BOD1L1: variants seen among roughly 807,000 people sequenced by gnomAD.
BOD1L1 encodes the protein biorientation of chromosomes in cell division protein 1-like 1.
In BOD1L1, 86 loss-of-function variants were observed where a neutral mutation model predicts 240.7. The observed-to-expected ratio is 0.36, with a 90% CI of 0.30 to 0.43. BOD1L1 has a LOEUF of 0.43. Among genes scored for constraint, BOD1L1 ranks in the 20% least tolerant of loss-of-function variants. The pLI is 1.00. For synonymous variants in BOD1L1, 1,268 were observed against 1,272.3 expected, an observed-to-expected ratio of 1.00 and a Z score of 0.07; for missense variants, 3,554 against 3,643.5, an observed-to-expected ratio of 0.98 and a Z score of 0.63.
intron 22 of BOD1L1, chr4:13,577,990 G>C (rs1366232790): frequency 5.9e-6 from 1 of 170,340 alleles, no homozygotes. Context: ...TGCAACCTCC[G>C]CCTCCTGGGT....
intron 25 of BOD1L1, among the ~76,000 whole-genome samples, chr4:13,576,009 T>A (rs1712697371): frequency 6.7e-6 from 1 of 148,978 alleles, no homozygotes. Context: ...GTTAAGCAAT[T>A]CCCCTGCCTC....
chr4:13,599,882 T>C lies in BOD1L1; in HGVS notation c.7018A>G (p.Ile2340Val), dbSNP rs200376796. The C allele has an allele frequency of 5.1e-5, 83 of 1,613,948 alleles. No homozygotes were observed. Among genetic ancestry groups the C allele is most frequent in the Admixed American group, 3.7e-4 (22 of 60,020 alleles). Residue 2340 changes from isoleucine to valine, a missense_variant, in exon 10 of 26, where the codon ATT becomes GTT. By Grantham distance (29) the Ile-to-Val change is conservative. Around this residue, in one of 2 missense-constraint regions of BOD1L1, gnomAD observed 3,393 missense variants for 3,427.1 expected, o/e 0.99. Transcript: ENST00000040738. Reference sequence around the variant, plus strand: ...TCATGTCTGTCAATGCTGGCGGAAATTGGCATACATTCTGCTGTGCTGGTG... The same window carrying C: ...TCATGTCTGTCAATGCTGGCGGAAACTGGCATACATTCTGCTGTGCTGGTG... Reference protein sequence around the residue: ...ISTSTAECMPISASIDRHEEN... With the variant: ...ISTSTAECMPVSASIDRHEEN...
At chr4:13,610,565 C>T (rs1007178711) in intron 6 of BOD1L1, among the ~76,000 whole-genome samples, 1 of 152,136 alleles carries the variant, frequency 6.6e-6, no homozygotes, top group Admixed American at 6.5e-5. Context: ...AACATTGTAT[C>T]GAATACTCTT....
intron 17 of BOD1L1, among the ~76,000 whole-genome samples, chr4:13,584,629 T>C (rs999950202): frequency 6.6e-6 from 1 of 152,116 alleles, no homozygotes; most frequent in Non-Finnish European, 1.5e-5. Flanking sequence ...TGCATTTCTG[T>C]TTTTGAACTG....
chr4:13,594,885 A>G (rs1478618579), intron 12 of BOD1L1, among the ~76,000 whole-genome samples: 1 of 152,148 alleles, frequency 6.6e-6, no homozygotes, highest in East Asian at 1.9e-4. Flanking sequence ...ACAGAGTGAG[A>G]CTCCATCTCA....
chr4:13,600,358 C>T lies in BOD1L1; in HGVS notation c.6542G>A (p.Gly2181Asp), dbSNP rs1373497473. Residue 2181 changes from glycine (G) to aspartate (D), a missense_variant, in exon 10 of 26, where the codon GGT becomes GAT. Around this residue, in one of 2 missense-constraint regions of BOD1L1, gnomAD observed 3,393 missense variants for 3,427.1 expected, o/e 0.99. Transcript: ENST00000040738. Reference protein sequence around the residue: ...VAAAVEERATGPVLISTADFE... With the variant: ...VAAAVEERATDPVLISTADFE... ...GTCGGCGGTGCTTATCAAGACTGGA[C>T]CTGTAGCCCTTTCTTCCACTGCTGC... 2 of 1,614,004 alleles carry T rather than the reference C, an allele frequency of 1.2e-6. No homozygotes were observed. Among genetic ancestry groups the T allele is most frequent in the Admixed American group, 1.7e-5 (1 of 60,026 alleles).
In BOD1L1 at chr4:13,570,129, C is replaced by T; in HGVS notation, c.9039-1G>A. On this transcript the variant is annotated splice_acceptor_variant, in intron 25 of 25. Transcript: ENST00000040738. LOFTEE classifies it high-confidence loss of function. ...AGAAGGGGAGAGCTGTGTCTTTGAT[C>T]TGCATTAAGCAAAGTCAAGGCAATG... The T allele has an allele frequency of 6.4e-7, 1 of 1,568,556 alleles. No individual in the cohort carries two copies. The highest frequency in any genetic ancestry group is 2.4e-5 in the East Asian group (1 of 42,144).
intron 25 of BOD1L1, among the ~76,000 whole-genome samples, chr4:13,573,752 G>C (rs1407879008): frequency 6.6e-6 from 1 of 152,148 alleles, no homozygotes; most frequent in Non-Finnish European, 1.5e-5. Context: ...TTGAACACCC[G>C]GCCTTAAGTG....
At chr4:13,616,266 A>C (rs900988291) in intron 2 of BOD1L1, among the ~76,000 whole-genome samples, 11 of 152,230 alleles carry the variant, frequency 7.2e-5, no homozygotes, top group Non-Finnish European at 1.5e-4. Context: ...GAGAGGAGTA[A>C]GAAATTATTT....
chr4:13,592,198 TATA>T, intron 12 of BOD1L1: 1 of 475,502 alleles, frequency 2.1e-6, no homozygotes, highest in East Asian at 3.5e-5. Context: ...CTGCATTTTT[TATA>T]ATAACGGCAG....
chr4:13,583,100 T>C (rs933551676), intron 17 of BOD1L1, among the ~76,000 whole-genome samples: 1 of 152,098 alleles, frequency 6.6e-6, no homozygotes, highest in Non-Finnish European at 1.5e-5. Context: ...TGTGGAGTGA[T>C]GGAGGGGAGA....
intron 5 of BOD1L1, 28 bp from the exon 6 acceptor site, chr4:13,611,128 T>C (rs1239297995): frequency 6.6e-7 from 1 of 1,516,276 alleles, no homozygotes; most frequent in Non-Finnish European, 9.0e-7. Context: ...GAAAGAGGAG[T>C]ATGTCTGTGA....
intron 1 of BOD1L1, chr4:13,625,407 GCTTCCCTC>G (rs1717317090): frequency 6.6e-6 from 1 of 152,162 alleles, no homozygotes; most frequent in Non-Finnish European, 1.5e-5. Context: ...GAGATACTGT[GCTTCCCTC>G]CTTCCCTCCA....
chr4:13,603,649 T>C lies in BOD1L1; in HGVS notation c.3251A>G (p.Lys1084Arg). The C allele has an allele frequency of 6.2e-7, 1 of 1,613,960 alleles. No homozygotes were observed. The highest frequency in any genetic ancestry group is 1.3e-5 in the African/African-American group (1 of 75,030). Residue 1084 changes from lysine (K) to arginine (R), a missense_variant, in exon 10 of 26, where the codon AAA (lysine) becomes AGA (arginine). Around this residue, in one of 2 missense-constraint regions of BOD1L1, gnomAD observed 3,393 missense variants for 3,427.1 expected, o/e 0.99. Coordinates refer to ENST00000040738, the MANE Select transcript of BOD1L1 (RefSeq NM_148894.3). ...GTTTGCTGCTAATTTTTCTTCTCCT[T>C]TGGCCATTTCTTGTGACAAGCTTCC... ...RRGSLSQEMA[K>R]GEEKLAANTL...
At chr4:13,588,899 T>C in intron 14 of BOD1L1, 107 bp from the exon 15 acceptor site, 1 of 714,528 alleles carries the variant, frequency 1.4e-6, no homozygotes, top group East Asian at 2.8e-5. Context: ...TTAGTAACTT[T>C]ATTGAGTACC....
rs572072231 is a variant in BOD1L1, at chr4:13,607,562, T to A, written c.1743-373A>T. Among the ~76,000 whole-genome samples, 12 of 152,370 alleles carry A rather than the reference T, an allele frequency of 7.9e-5. No homozygotes were observed. The East Asian group carries it at 2.1e-3, about 27-fold the overall frequency. ...TTCCACCCGCCTCTGCCTCCCGAAGTGCTGGGATTAAAGGCGTGAGCCACC... is the reference window on the plus strand; with the variant it reads ...TTCCACCCGCCTCTGCCTCCCGAAGAGCTGGGATTAAAGGCGTGAGCCACC... On this transcript the variant is annotated intron_variant, in intron 8 of 25. Transcript: ENST00000040738.
intron 14 of BOD1L1, 72 bp from the exon 15 acceptor site, chr4:13,588,864 G>C (rs1713945954): frequency 8.9e-7 from 1 of 1,125,096 alleles, no homozygotes; most frequent in African/African-American, 1.6e-5. Flanking sequence ...TTAGGTATGT[G>C]TTAGGGGGCT....
chr4:13,592,007 T>G, intron 12 of BOD1L1, 41 bp from the exon 13 acceptor site: 1 of 1,448,596 alleles, frequency 6.9e-7, no homozygotes, highest in African/African-American at 1.4e-5. Flanking sequence ...AACTGAATAT[T>G]GTTTCTGAAA....
chr4:13,625,257 T>A (rs1717305612), intron 1 of BOD1L1: 1 of 152,214 alleles, frequency 6.6e-6, no homozygotes, highest in Admixed American at 6.5e-5. Flanking sequence ...GTTCCTGAAC[T>A]CACTGAAACT....
Sources: gnomAD v4.1 joint callset for allele counts (sites outside exome capture counted in the v4.1 genomes callset) on GRCh38, gnomAD v4.1.1 for gene constraint, gnomAD v4.1.1 regional missense constraint, MANE v1.5 for transcripts, NCBI Gene and HGNC (gene_info 2026-07-23, HGNC 2026-07-21) for gene names.